GALNTL6: variants seen among roughly 807,000 people sequenced by gnomAD.
The protein encoded by GALNTL6 is polypeptide N-acetylgalactosaminyltransferase like 6.
GALNTL6 carries 46 observed loss-of-function variants against 73.7 expected under a neutral mutation model. The ratio of observed to expected loss-of-function variants is 0.62; its 90% CI spans 0.49 to 0.80. GALNTL6 has a LOEUF of 0.80. Among genes scored for constraint, GALNTL6 ranks in the 30% least tolerant of loss-of-function variants. GALNTL6 has a pLI of 0.00. For missense variants in GALNTL6, 604 were observed against 755.0 expected (o/e 0.80, Z 2.34); for synonymous variants, 259 against 263.7 (o/e 0.98, Z 0.17).
intron 9 of GALNTL6, among the ~76,000 whole-genome samples, chr4:172,938,156 C>G (rs1748721042): frequency 6.6e-6 from 1 of 152,106 alleles, no homozygotes; most frequent in Non-Finnish European, 1.5e-5. Context: ...AGCTGTGAAA[C>G]GACTTCTTTA....
At chr4:172,704,584 A>T (rs1041802108) in intron 5 of GALNTL6, among the ~76,000 whole-genome samples, 1 of 151,842 alleles carries the variant, frequency 6.6e-6, no homozygotes, top group East Asian at 1.9e-4. Flanking sequence ...GACTTTTCAA[A>T]TTTTTTGATT....
chr4:171,938,899 C>A (rs576654597), intron 2 of GALNTL6, among the ~76,000 whole-genome samples: 3 of 152,030 alleles, frequency 2.0e-5, no homozygotes, highest in African/African-American at 7.2e-5. Context: ...AAATTGATAG[C>A]ATTTTTTAAC....
At chr4:172,632,120 C>T (rs1739421485) in intron 5 of GALNTL6, among the ~76,000 whole-genome samples, 1 of 152,166 alleles carries the variant, frequency 6.6e-6, no homozygotes, top group South Asian at 2.1e-4. Context: ...ATCAATTAAA[C>T]CACTTTTCTT....
intron 10 of GALNTL6, among the ~76,000 whole-genome samples, chr4:172,954,546 A>C (rs189824223): frequency 6.6e-6 from 1 of 152,248 alleles, no homozygotes; most frequent in Non-Finnish European, 1.5e-5. Context: ...GGCTCACTGC[A>C]GCCTCAAACT....
chr4:172,452,909 C>T (rs336021), intron 5 of GALNTL6, among the ~76,000 whole-genome samples: 132,836 of 152,296 alleles, frequency 0.87, 57,972 homozygotes, highest in South Asian at 0.89. Context: ...TTATGTAATG[C>T]TAAGATGTGA....
At chr4:172,388,588 A>G (rs931860911) in intron 5 of GALNTL6, among the ~76,000 whole-genome samples, 8 of 152,064 alleles carry the variant, frequency 5.3e-5, no homozygotes, top group Admixed American at 1.3e-4. Flanking sequence ...AGATTATTTC[A>G]CTGAGATTTG....
At chr4:171,937,870 T>G (rs2111007358) in intron 2 of GALNTL6, among the ~76,000 whole-genome samples, 2 of 152,334 alleles carry the variant, frequency 1.3e-5, no homozygotes. Flanking sequence ...AAATGATTTT[T>G]TAATGATAAA....
intron 2 of GALNTL6, among the ~76,000 whole-genome samples, chr4:172,192,733 C>T (rs1289426828): frequency 1.3e-5 from 2 of 152,170 alleles, no homozygotes; most frequent in Non-Finnish European, 2.9e-5. Flanking sequence ...AAGCACAGAG[C>T]TGTGCAGATG....
At chr4:172,397,556 CATTTATTTATTT>C (rs10639647) in intron 5 of GALNTL6, among the ~76,000 whole-genome samples, 35 of 144,452 alleles carry the variant, frequency 2.4e-4, no homozygotes, top group South Asian at 6.6e-4. Flanking sequence ...ATAAGTATCT[CATTTATTTATTT>C]ATTTATTTAT....
At chr4:171,968,287 C>A (rs559773396) in intron 2 of GALNTL6, among the ~76,000 whole-genome samples, 2 of 152,234 alleles carry the variant, frequency 1.3e-5, no homozygotes, top group South Asian at 2.1e-4. Flanking sequence ...AATCTGGAGG[C>A]CAAAAGTCCG....
At chr4:172,847,489 TG>T (rs752283511) in intron 7 of GALNTL6, among the ~76,000 whole-genome samples, 88 of 152,090 alleles carry the variant, frequency 5.8e-4, no homozygotes, top group Admixed American at 4.6e-4. Context: ...TGTGTGTATA[TG>T]TTTATATATA....
At chr4:171,988,258 G>C (rs957947338) in intron 2 of GALNTL6, among the ~76,000 whole-genome samples, 7 of 152,162 alleles carry the variant, frequency 4.6e-5, no homozygotes, top group Non-Finnish European at 5.9e-5. Flanking sequence ...TGTTTTGTAA[G>C]GGATTGACGT....
At chr4:172,132,941 TTA>T (rs1417884631) in intron 2 of GALNTL6, among the ~76,000 whole-genome samples, 1 of 152,200 alleles carries the variant, frequency 6.6e-6, no homozygotes, top group African/African-American at 2.4e-5. Context: ...TTATAAATAT[TTA>T]TATGTCAGTG....
At chr4:171,984,578 C>T (rs746238826) in intron 2 of GALNTL6, among the ~76,000 whole-genome samples, 3 of 152,104 alleles carry the variant, frequency 2.0e-5, no homozygotes, top group African/African-American at 7.2e-5. Flanking sequence ...TGTGTGACAG[C>T]CCGCTCTGGA....
intron 5 of GALNTL6, among the ~76,000 whole-genome samples, chr4:172,467,492 C>T (rs1261160252): frequency 6.6e-6 from 1 of 152,168 alleles, no homozygotes; most frequent in Non-Finnish European, 1.5e-5. Context: ...CATGGAGTCG[C>T]TCATCCTCCA....
intron 5 of GALNTL6, among the ~76,000 whole-genome samples, chr4:172,656,574 C>T (rs1731025092): frequency 6.6e-6 from 1 of 152,130 alleles, no homozygotes; most frequent in African/African-American, 2.4e-5. Context: ...ATTCTTTACC[C>T]ATGTATGCAA....
chr4:172,480,773 T>C (rs1355027746), intron 5 of GALNTL6, among the ~76,000 whole-genome samples: 1 of 152,176 alleles, frequency 6.6e-6, no homozygotes, highest in Non-Finnish European at 1.5e-5. Flanking sequence ...CTGAGTTGGT[T>C]GACTCTATCA....
At chr4:172,193,668 C>G (rs1218397437) in intron 2 of GALNTL6, among the ~76,000 whole-genome samples, 1 of 152,052 alleles carries the variant, frequency 6.6e-6, no homozygotes, top group African/African-American at 2.4e-5. Flanking sequence ...CTAGACCATC[C>G]TGGCTAACAT....
intron 8 of GALNTL6, among the ~76,000 whole-genome samples, chr4:172,928,035 G>T (rs1440893309): frequency 2.6e-5 from 4 of 152,184 alleles, no homozygotes; most frequent in Non-Finnish European, 5.9e-5. Context: ...ATCACTGAAA[G>T]TTAGTGTTTG....
Sources: allele counts gnomAD v4.1 joint callset (sites outside exome capture counted in the v4.1 genomes callset), GRCh38; gene constraint gnomAD v4.1.1; transcripts MANE v1.5; gene names NCBI Gene and HGNC (gene_info 2026-07-23, HGNC 2026-07-21).